PALLD: variants seen among roughly 807,000 people sequenced by gnomAD.
PALLD encodes the protein palladin, cytoskeletal associated protein, also known as palladin.
Under a neutral mutation model 123.5 loss-of-function variants are expected in PALLD, and 61 were observed. That is an observed-to-expected ratio of 0.49 (90% CI 0.40 to 0.61). The LOEUF is 0.61. Among genes scored for constraint, PALLD ranks in the 20% least tolerant of loss-of-function variants. The probability of loss-of-function intolerance (pLI) is 0.00; values close to 1 mark genes in which losing one functional copy is unlikely to be tolerated. For synonymous variants in PALLD, 465 were observed against 496.4 expected (o/e 0.94, Z 0.84); for missense variants, 1,273 against 1,377.0 (o/e 0.92, Z 1.20).
At chr4:168,541,246 G>A (rs1265852914) in intron 2 of PALLD, among the ~76,000 whole-genome samples, 1 of 151,980 alleles carries the variant, frequency 6.6e-6, no homozygotes, top group Non-Finnish European at 1.5e-5. Flanking sequence ...TGTGTTATTC[G>A]GGTTTTTACT....
intron 10 of PALLD, among the ~76,000 whole-genome samples, chr4:168,815,790 G>A (rs145858793): frequency 1.3e-3 from 198 of 152,320 alleles, no homozygotes; most frequent in African/African-American, 4.5e-3. Context: ...AATACTAAGC[G>A]ATAGGATATC....
At chr4:168,740,232 A>G (rs563564578) in intron 10 of PALLD, among the ~76,000 whole-genome samples, 1 of 152,342 alleles carries the variant, frequency 6.6e-6, no homozygotes, top group African/African-American at 2.4e-5. Context: ...GTTACAAAAG[A>G]AGAAAAGTAG....
At chr4:168,715,957 A>T (rs1411050252) in intron 10 of PALLD, among the ~76,000 whole-genome samples, 1 of 152,170 alleles carries the variant, frequency 6.6e-6, no homozygotes, top group Non-Finnish European at 1.5e-5. Flanking sequence ...CTCAAAAAAA[A>T]AAAAGTCAAA....
In PALLD at chr4:168,809,872, AAAG is replaced by A. The variant is rs1274180044; in HGVS notation, c.1965-81047_1965-81045del. On this transcript the variant is annotated intron_variant, in intron 10 of 21. Coordinates refer to ENST00000505667, the MANE Select transcript of PALLD (RefSeq NM_001166108.2). ...GAGAGAGACTCTGTCTCAAAAAAAA[AAAG>A]AAAAAAAAATCAGACATGGGGCAAA... 6.4e-4 allele frequency among the ~76,000 whole-genome samples: 67 copies of A among 105,022 alleles called. 1 individual carries two copies. Among genetic ancestry groups the A allele is most frequent in the African/African-American group, 2.0e-3 (66 of 32,982 alleles). The allele number at this position is 105,022 out of a possible 152,430, so 68.9% of individuals were successfully genotyped here.
At position 168,893,126 on chromosome 4, in the gene PALLD, A is replaced by G. The variant is rs149978675; in HGVS notation, c.2101-1453A>G. Among the ~76,000 whole-genome samples, 732 of 152,306 alleles carry G rather than the reference A, an allele frequency of 4.8e-3. 7 individuals are homozygous for G. Among genetic ancestry groups the G allele is most frequent in the Admixed American group, 5.5e-3 (84 of 15,310 alleles). ...TGGTGAAGGAATAGATATGAAATTG[A>G]TATTTCTGCTTATAAGGAACAGAGT... On this transcript the variant is annotated intron_variant, in intron 11 of 21. Transcript: ENST00000505667.
chr4:168,592,496 CA>C (rs1367508938), intron 2 of PALLD, among the ~76,000 whole-genome samples: 1 of 151,996 alleles, frequency 6.6e-6, no homozygotes, highest in Non-Finnish European at 1.5e-5. Flanking sequence ...TTTGAGACCT[CA>C]AAAACTAGTT....
intron 3 of PALLD, 117 bp from the exon 4 acceptor site, chr4:168,681,215 G>A (rs1327030035): frequency 1.2e-5 from 8 of 688,872 alleles, no homozygotes; most frequent in Non-Finnish European, 1.8e-5. Context: ...ATTTTATTGT[G>A]TGTTTCGGTC....
intron 10 of PALLD, among the ~76,000 whole-genome samples, chr4:168,803,025 A>G (rs1263388450): frequency 6.6e-6 from 1 of 152,232 alleles, no homozygotes; most frequent in Non-Finnish European, 1.5e-5. Context: ...AGAGCAAACA[A>G]TAATAGGTGA....
At chr4:168,768,068 C>T (rs1438356579) in intron 10 of PALLD, among the ~76,000 whole-genome samples, 4 of 152,188 alleles carry the variant, frequency 2.6e-5, no homozygotes, top group African/African-American at 4.8e-5. Context: ...TCCTTCAAGA[C>T]GTAGTTCAAA....
chr4:168,739,002 A>G (rs6553061), intron 10 of PALLD, among the ~76,000 whole-genome samples: 13,518 of 152,204 alleles, frequency 0.089, 598 homozygotes, highest in South Asian at 0.13. Flanking sequence ...TTTAGTTCCC[A>G]TGTATGAGTG....
chr4:168,823,357 C>G (rs1742992269), intron 10 of PALLD, among the ~76,000 whole-genome samples: 1 of 152,076 alleles, frequency 6.6e-6, no homozygotes, highest in Admixed American at 6.6e-5. Flanking sequence ...CTGATGTTGT[C>G]TCTGAACAAT....
intron 3 of PALLD, among the ~76,000 whole-genome samples, chr4:168,672,145 G>A (rs368924333): frequency 6.6e-6 from 1 of 152,036 alleles, no homozygotes; most frequent in African/African-American, 2.4e-5. Context: ...GTACACATTC[G>A]TGGGGTATGT....
At chr4:168,630,525 C>T (rs915131925) in intron 2 of PALLD, among the ~76,000 whole-genome samples, 3 of 152,206 alleles carry the variant, frequency 2.0e-5, no homozygotes, top group Admixed American at 1.3e-4. Context: ...ACGCTTTTAA[C>T]ATTTTATTTT....
At chr4:168,734,664 GA>G (rs891373851) in intron 10 of PALLD, among the ~76,000 whole-genome samples, 1 of 152,102 alleles carries the variant, frequency 6.6e-6, no homozygotes, top group African/African-American at 2.4e-5. Context: ...CACCCTCAAG[GA>G]GTACAATATT....
Position 168,675,567 on chromosome 4 carries a change from A to C in PALLD, c.1088-5765A>C, listed in dbSNP as rs1177065191. Among the ~76,000 whole-genome samples, 3 of 152,318 alleles carry C rather than the reference A, an allele frequency of 2.0e-5. No individual in the cohort carries two copies. In the South Asian group the frequency reaches 6.2e-4, roughly 32 times the overall value. On this transcript the variant is annotated intron_variant, in intron 3 of 21. Coordinates refer to ENST00000505667, the MANE Select transcript of PALLD (RefSeq NM_001166108.2). Reference sequence around the variant, plus strand: ...GCCATTCTTCGTGTTATCTATTTTAAAATAACCTTTCATGGTATTTTATGA... The same window carrying C: ...GCCATTCTTCGTGTTATCTATTTTACAATAACCTTTCATGGTATTTTATGA...
At chr4:168,653,408 T>C (rs2149928950) in intron 2 of PALLD, among the ~76,000 whole-genome samples, 1 of 152,328 alleles carries the variant, frequency 6.6e-6, no homozygotes, top group East Asian at 1.9e-4. Flanking sequence ...TAGTACAGAT[T>C]AATTTTTAAT....
intron 10 of PALLD, among the ~76,000 whole-genome samples, chr4:168,872,311 C>T (rs1380691590): frequency 6.6e-6 from 1 of 152,218 alleles, no homozygotes; most frequent in African/African-American, 2.4e-5. Context: ...AAAAGAGACT[C>T]AAGTCATGTG....
intron 10 of PALLD, among the ~76,000 whole-genome samples, chr4:168,808,459 A>G (rs1181809379): frequency 1.3e-5 from 2 of 152,178 alleles, no homozygotes; most frequent in East Asian, 3.9e-4. Flanking sequence ...CAGCCTGGGC[A>G]ACAGAGCGAG....
chr4:168,583,035 G>A (rs17650892), intron 2 of PALLD, among the ~76,000 whole-genome samples: 15,433 of 152,100 alleles, frequency 0.1, 1,094 homozygotes, highest in Admixed American at 0.17. Flanking sequence ...TATTAGCAGC[G>A]TACTTTCTCA....
Sources: gnomAD v4.1 joint callset for allele counts (sites outside exome capture counted in the v4.1 genomes callset) on GRCh38, gnomAD v4.1.1 for gene constraint, MANE v1.5 for transcripts, NCBI Gene and HGNC (gene_info 2026-07-23, HGNC 2026-07-21) for gene names.